CTNNA2: variants seen among roughly 807,000 people sequenced by gnomAD.
CTNNA2 encodes the protein catenin alpha 2, also known as catenin alpha-2.
A neutral mutation model predicts 101.0 loss-of-function variants in CTNNA2; 42 were observed. The observed-to-expected ratio is 0.42, with a 90% CI of 0.32 to 0.54. The LOEUF is 0.54. CTNNA2 is among the 20% of genes least tolerant of loss of function. The pLI is 0.14. For missense variants in CTNNA2, 871 were observed against 1,223.1 expected (o/e 0.71, Z 4.29); for synonymous variants, 450 against 456.4 (o/e 0.99, Z 0.18).
chr2:79,374,054 G>A (rs542896040), intron 4 of CTNNA2: 6 of 152,564 alleles, frequency 3.9e-5, no homozygotes, highest in South Asian at 2.1e-4. Context: ...CTTATTCTTC[G>A]TACTCTTTCA....
At chr2:80,569,632 G>GTTTTTTTTTTT (rs1694375046) in intron 12 of CTNNA2, among the ~76,000 whole-genome samples, 1 of 51,726 alleles carries the variant, frequency 1.9e-5, no homozygotes, top group Non-Finnish European at 4.7e-5. Flanking sequence ...GGGGTATTTA[G>GTTTTTTTTTTT]GTTTTTTTTT....
chr2:80,602,817 A>T (rs1697664645), intron 15 of CTNNA2, among the ~76,000 whole-genome samples: 1 of 152,050 alleles, frequency 6.6e-6, no homozygotes, highest in Admixed American at 6.6e-5. Flanking sequence ...AACAAAATGA[A>T]ATACCTTAAG....
chr2:79,387,406 G>A (rs1678117300), intron 4 of CTNNA2, among the ~76,000 whole-genome samples: 1 of 152,158 alleles, frequency 6.6e-6, no homozygotes, highest in Non-Finnish European at 1.5e-5. Flanking sequence ...TTCTGAACTT[G>A]CTTCTGAACC....
intron 3 of CTNNA2, chr2:79,319,888 G>C (rs987410263): frequency 1.3e-5 from 2 of 152,262 alleles, no homozygotes; most frequent in African/African-American, 4.8e-5. Context: ...CACCCACTGG[G>C]GCAAGCTGGG....
At chr2:80,598,489 A>T (rs1301405041) in intron 15 of CTNNA2, among the ~76,000 whole-genome samples, 3 of 152,170 alleles carry the variant, frequency 2.0e-5, no homozygotes. Flanking sequence ...TCAAAAAACT[A>T]AAAAGGGATT....
chr2:80,503,040 G>A (rs188491453), intron 9 of CTNNA2, among the ~76,000 whole-genome samples: 4 of 152,208 alleles, frequency 2.6e-5, no homozygotes. Flanking sequence ...AGGCATGGAG[G>A]CATGCAACTG....
At chr2:79,672,019 A>G (rs1486474793) in intron 2 of CTNNA2, among the ~76,000 whole-genome samples, 3 of 152,220 alleles carry the variant, frequency 2.0e-5, no homozygotes, top group African/African-American at 7.2e-5. Flanking sequence ...TATAACCTGA[A>G]CAAATACCTA....
intron 9 of CTNNA2, among the ~76,000 whole-genome samples, chr2:80,526,516 A>G (rs926949324): frequency 1.3e-5 from 2 of 151,976 alleles, no homozygotes; most frequent in African/African-American, 4.8e-5. Flanking sequence ...TATTTTTAGT[A>G]GAGATGGGGT....
At chr2:79,712,586 AAG>A (rs1214580397) in intron 2 of CTNNA2, among the ~76,000 whole-genome samples, 1 of 152,224 alleles carries the variant, frequency 6.6e-6, no homozygotes, top group African/African-American at 2.4e-5. Context: ...CAACAAATGA[AAG>A]AGTGTAAATT....
Position 80,208,340 on chromosome 2 carries a change from G to T in CTNNA2, c.1057-184871G>T, listed in dbSNP as rs192267765. Among the ~76,000 whole-genome samples, 11 of 152,294 alleles carry T rather than the reference G, an allele frequency of 7.2e-5. No homozygotes were observed. In the East Asian group the frequency reaches 1.9e-3, roughly 27 times the overall value. On this transcript the variant is annotated intron_variant, in intron 7 of 18. Coordinates refer to ENST00000402739, the MANE Select transcript of CTNNA2 (RefSeq NM_001282597.3). Reference sequence around the variant, plus strand: ...ACTGTTAAATATAGATGGATAAATAGATGGGTGGATAGATAGATAGATAAG... The same window carrying T: ...ACTGTTAAATATAGATGGATAAATATATGGGTGGATAGATAGATAGATAAG...
chr2:80,017,701 C>G (rs1694255706), intron 7 of CTNNA2, among the ~76,000 whole-genome samples: 1 of 151,994 alleles, frequency 6.6e-6, no homozygotes, highest in East Asian at 1.9e-4. Flanking sequence ...TCTCGGAAGG[C>G]CTGGGGCCTC....
At chr2:79,605,296 T>C (rs1186562430) in intron 1 of CTNNA2, among the ~76,000 whole-genome samples, 2 of 152,002 alleles carry the variant, frequency 1.3e-5, no homozygotes, top group African/African-American at 2.4e-5. Context: ...AAAAACATCA[T>C]GATGGAGCAG....
chr2:79,322,830 G>T (rs1242240891), intron 3 of CTNNA2, among the ~76,000 whole-genome samples: 7 of 152,100 alleles, frequency 4.6e-5, no homozygotes, highest in African/African-American at 1.7e-4. Flanking sequence ...CTTGAACTTG[G>T]TGTTTGTCTC....
chr2:79,705,570 G>A (rs1463176420), intron 2 of CTNNA2, among the ~76,000 whole-genome samples: 5 of 152,052 alleles, frequency 3.3e-5, no homozygotes, highest in East Asian at 1.9e-4. Context: ...TACTGATTTC[G>A]CTGATAGGGA....
intron 7 of CTNNA2, among the ~76,000 whole-genome samples, chr2:79,967,216 T>C (rs922895128): frequency 2.6e-5 from 4 of 152,062 alleles, no homozygotes; most frequent in Non-Finnish European, 5.9e-5. Flanking sequence ...ACTAGAATCA[T>C]TGTTTTTTGA....
chr2:79,329,272 T>C (rs928917972), intron 3 of CTNNA2, among the ~76,000 whole-genome samples: 5 of 152,132 alleles, frequency 3.3e-5, no homozygotes, highest in Non-Finnish European at 1.5e-5. Flanking sequence ...AGTTGTTCTG[T>C]TCCTAGAAAC....
intron 8 of CTNNA2, 46 bp downstream of exon 8, chr2:80,393,337 G>A: frequency 7.4e-7 from 1 of 1,357,506 alleles, no homozygotes; most frequent in Non-Finnish European, 1.0e-6. Context: ...TTCAGTAGTG[G>A]TTTCCAACAA....
At chr2:79,939,488 G>C (rs1411629542) in intron 7 of CTNNA2, among the ~76,000 whole-genome samples, 1 of 151,822 alleles carries the variant, frequency 6.6e-6, no homozygotes, top group East Asian at 1.9e-4. Context: ...TTAATATTTA[G>C]AGATCTTTTG....
chr2:79,812,982 G>A (rs1677173677), intron 3 of CTNNA2, among the ~76,000 whole-genome samples: 1 of 152,160 alleles, frequency 6.6e-6, no homozygotes, highest in South Asian at 2.1e-4. Context: ...CTTCACAGGT[G>A]CCCATAGGGT....
Sources: allele counts gnomAD v4.1 joint callset (sites outside exome capture counted in the v4.1 genomes callset), GRCh38; gene constraint gnomAD v4.1.1; transcripts MANE v1.5; gene names NCBI Gene and HGNC (gene_info 2026-07-23, HGNC 2026-07-21).